CCDC122: variants seen among roughly 807,000 people sequenced by gnomAD.
CCDC122 encodes coiled-coil domain-containing protein 122.
CCDC122 carries 38 observed loss-of-function variants against 37.0 expected under a neutral mutation model. The ratio of observed to expected loss-of-function variants is 1.03; its 90% CI spans 0.79 to 1.35. The LOEUF is 1.35. CCDC122 is among the 40% of genes most tolerant of loss of function. CCDC122 has a pLI of 0.00. For missense variants in CCDC122, 305 were observed against 310.0 expected (o/e 0.98, Z 0.12); for synonymous variants, 83 against 95.6 (o/e 0.87, Z 0.77).
At chr13:43,861,101 T>C (rs1954089351) in intron 4 of CCDC122, among the ~76,000 whole-genome samples, 2 of 152,148 alleles carry the variant, frequency 1.3e-5, no homozygotes, top group South Asian at 2.1e-4. Context: ...TGTCTGGGGA[T>C]TGGCTGATTG....
At chr13:43,823,579 C>T, downstream of CCDC122, among the ~76,000 whole-genome samples, 1 of 152,222 alleles carries the variant, frequency 6.6e-6, no homozygotes, top group South Asian at 2.1e-4. Flanking sequence ...CATCAGAGCA[C>T]TTATGGCCCA....
chr13:43,834,033 A>C (rs1206213800), downstream of CCDC122, among the ~76,000 whole-genome samples: 2 of 152,098 alleles, frequency 1.3e-5, no homozygotes, highest in Non-Finnish European at 2.9e-5. Flanking sequence ...CAGGCTTTGG[A>C]TACCTCAAAT....
intron 3 of CCDC122, 78 bp from the exon 4 acceptor site, chr13:43,868,881 C>A: frequency 3.2e-6 from 2 of 624,862 alleles, no homozygotes; most frequent in South Asian, 4.1e-5. Flanking sequence ...TTTCTTTACT[C>A]AAAATCATGA....
chr13:43,863,675 T>TTGTGTG lies in CCDC122; in HGVS notation c.157-3611_157-3606dup, dbSNP rs55637761. Among the ~76,000 whole-genome samples, 618 of 149,476 alleles carry TTGTGTG rather than the reference T, an allele frequency of 4.1e-3. 9 individuals are homozygous for TTGTGTG. Among genetic ancestry groups the TTGTGTG allele is most frequent in the African/African-American group, 0.015 (592 of 40,704 alleles). ...TTTTAAACTTAGCCATTCTAGTGGGTTGTGTGTGTGTGTGTGTGTGTGTGT... is the reference window on the plus strand; with the variant it reads ...TTTTAAACTTAGCCATTCTAGTGGGTTGTGTGTGTGTGTGTGTGTGTGTGTGTGTGT... On this transcript the variant is annotated intron_variant, in intron 4 of 6. Coordinates refer to ENST00000444614, the MANE Select transcript of CCDC122 (RefSeq NM_144974.5).
chr13:43,821,099 G>C (rs1952989753), downstream of CCDC122, among the ~76,000 whole-genome samples: 1 of 152,090 alleles, frequency 6.6e-6, no homozygotes. Context: ...CTTTATCCTT[G>C]ACCTTTGGGA....
At chr13:43,845,769 T>C (rs183822389) in intron 6 of CCDC122, among the ~76,000 whole-genome samples, 48 of 152,346 alleles carry the variant, frequency 3.2e-4, no homozygotes, top group African/African-American at 9.6e-4. Flanking sequence ...GCAAGTCTAC[T>C]GGGAACAAAG....
At chr13:43,845,872 CCT>C (rs1197886210) in intron 6 of CCDC122, among the ~76,000 whole-genome samples, 4 of 151,982 alleles carry the variant, frequency 2.6e-5, no homozygotes, top group East Asian at 1.9e-4. Flanking sequence ...TGATTAAAAT[CCT>C]CTCTCTTTAC....
At chr13:43,847,812 T>C (rs1487381400) in intron 6 of CCDC122, among the ~76,000 whole-genome samples, 1 of 152,216 alleles carries the variant, frequency 6.6e-6, no homozygotes, top group Non-Finnish European at 1.5e-5. Context: ...TCTTGCTCTG[T>C]TGCCTAGGCT....
At chr13:43,865,556 G>A (rs370010382) in intron 4 of CCDC122, among the ~76,000 whole-genome samples, 2 of 151,836 alleles carry the variant, frequency 1.3e-5, no homozygotes, top group Non-Finnish European at 2.9e-5. Context: ...TAATTATAAC[G>A]ATATACTATA....
downstream of CCDC122, among the ~76,000 whole-genome samples, chr13:43,820,673 A>G (rs1309233790): frequency 1.3e-5 from 2 of 152,214 alleles, no homozygotes; most frequent in African/African-American, 4.8e-5. Context: ...AGAATCGAGT[A>G]TCAATCCTGC....
At chr13:43,826,060 G>A (rs182939929) in intron 3 of CCDC122, among the ~76,000 whole-genome samples, 20 of 152,216 alleles carry the variant, frequency 1.3e-4, no homozygotes, top group Middle Eastern at 3.4e-3. Flanking sequence ...TTTAAAAAAC[G>A]CAAGTAGAAT....
At chr13:43,864,168 T>C (rs1954200669) in intron 4 of CCDC122, among the ~76,000 whole-genome samples, 1 of 152,208 alleles carries the variant, frequency 6.6e-6, no homozygotes, top group Admixed American at 6.5e-5. Flanking sequence ...GGGCTATTTC[T>C]GGGCACTTTA....
chr13:43,843,106 G>C (rs1472132843), intron 6 of CCDC122, among the ~76,000 whole-genome samples: 2 of 152,142 alleles, frequency 1.3e-5, no homozygotes, highest in East Asian at 3.9e-4. Context: ...AGTCTTAGGG[G>C]AGAAAGCATT....
chr13:43,864,521 G>A (rs1312037139), intron 4 of CCDC122, among the ~76,000 whole-genome samples: 1 of 152,064 alleles, frequency 6.6e-6, no homozygotes, highest in East Asian at 1.9e-4. Flanking sequence ...GTCACATGGT[G>A]GGAAAGAAAG....
intron 4 of CCDC122, among the ~76,000 whole-genome samples, chr13:43,867,337 A>G (rs756417622): frequency 6.6e-6 from 1 of 152,102 alleles, no homozygotes; most frequent in Admixed American, 6.6e-5. Context: ...GGTTCTAGGA[A>G]TGTACCAATG....
At chr13:43,827,887 G>A (rs868115657) in intron 3 of CCDC122, among the ~76,000 whole-genome samples, 7 of 152,286 alleles carry the variant, frequency 4.6e-5, no homozygotes, top group African/African-American at 1.7e-4. Flanking sequence ...AGGTGGAGTT[G>A]GAGTTGACTC....
At chr13:43,827,346 T>C (rs1049965654) in intron 3 of CCDC122, among the ~76,000 whole-genome samples, 5 of 152,234 alleles carry the variant, frequency 3.3e-5, no homozygotes, top group African/African-American at 1.2e-4. Context: ...CTTTTATAAA[T>C]CATAAGTGAA....
intron 2 of CCDC122, among the ~76,000 whole-genome samples, chr13:43,873,934 T>A (rs1954527332): frequency 6.6e-6 from 1 of 152,172 alleles, no homozygotes; most frequent in African/African-American, 2.4e-5. Flanking sequence ...CTAATTATAG[T>A]CTATCTCCAC....
chr13:43,878,526 A>G (rs1954736329), intron 1 of CCDC122, among the ~76,000 whole-genome samples: 1 of 152,146 alleles, frequency 6.6e-6, no homozygotes, highest in South Asian at 2.1e-4. Flanking sequence ...ATTATGAGAC[A>G]AAGGTTCTTT....
Sources: gnomAD v4.1 joint callset for allele counts (sites outside exome capture counted in the v4.1 genomes callset) on GRCh38, gnomAD v4.1.1 for gene constraint, MANE v1.5 for transcripts, NCBI Gene and HGNC (gene_info 2026-07-23, HGNC 2026-07-21) for gene names.